The following ARFGEF2 variants were observed in gnomAD, a reference collection of about 807,000 sequenced individuals.
The protein encoded by ARFGEF2 is brefeldin A-inhibited guanine nucleotide-exchange protein 2.
A neutral mutation model predicts 219.9 loss-of-function variants in ARFGEF2; 74 were observed. That is an observed-to-expected ratio of 0.34 (90% CI 0.28 to 0.41). ARFGEF2 has a LOEUF of 0.41. ARFGEF2 is among the 10% of genes least tolerant of loss of function. The pLI, the probability that ARFGEF2 is intolerant of heterozygous loss-of-function variation, is 1.00. For synonymous variants in ARFGEF2, 733 were observed against 799.2 expected, an observed-to-expected ratio of 0.92 and a Z score of 1.40; for missense variants, 1,743 against 2,218.3, an observed-to-expected ratio of 0.79 and a Z score of 4.30.
chr20:48,945,742 T>C (rs1261414594), intron 3 of ARFGEF2, among the ~76,000 whole-genome samples: 2 of 152,190 alleles, frequency 1.3e-5, no homozygotes, highest in Non-Finnish European at 1.5e-5. Flanking sequence ...TGCACACCTT[T>C]AGTCCCAGTT....
At chr20:48,996,717 C>G (rs1262755716) in intron 23 of ARFGEF2, among the ~76,000 whole-genome samples, 1 of 147,098 alleles carries the variant, frequency 6.8e-6, no homozygotes, top group African/African-American at 2.5e-5. Flanking sequence ...GCACTCCAGC[C>G]TAGCAACAGA....
intron 6 of ARFGEF2, among the ~76,000 whole-genome samples, chr20:48,959,989 A>G (rs915302410): frequency 2.3e-4 from 35 of 152,206 alleles, no homozygotes; most frequent in African/African-American, 8.0e-4. Context: ...TGTGAATTTT[A>G]TTGCTTAAGG....
At chr20:48,955,595 C>G (rs2091100914) in intron 6 of ARFGEF2, among the ~76,000 whole-genome samples, 1 of 152,164 alleles carries the variant, frequency 6.6e-6, no homozygotes, top group Non-Finnish European at 1.5e-5. Context: ...AACGCAGTAA[C>G]TTGAAGTTCT....
chr20:48,952,057 A>G (rs541266346), intron 4 of ARFGEF2, among the ~76,000 whole-genome samples: 4 of 150,908 alleles, frequency 2.7e-5, no homozygotes, highest in Middle Eastern at 3.5e-3. Flanking sequence ...AATCTGGGTG[A>G]GATCACGTTG....
intron 25 of ARFGEF2, chr20:48,999,114 T>C: frequency 5.8e-6 from 2 of 344,636 alleles, no homozygotes; most frequent in Non-Finnish European, 1.1e-5. Context: ...GGTGTGCACC[T>C]GTAATCCCAG....
chr20:48,929,067 C>G (rs1399246025), intron 1 of ARFGEF2, among the ~76,000 whole-genome samples: 1 of 152,196 alleles, frequency 6.6e-6, no homozygotes, highest in Non-Finnish European at 1.5e-5. Flanking sequence ...ATATAAATAG[C>G]TCAGAGCTGT....
intron 1 of ARFGEF2, among the ~76,000 whole-genome samples, chr20:48,939,291 C>G (rs2090979875): frequency 6.6e-6 from 1 of 152,106 alleles, no homozygotes; most frequent in Non-Finnish European, 1.5e-5. Flanking sequence ...CATTTCAAAA[C>G]AGATTGTTTT....
intron 8 of ARFGEF2, 22 bp from the exon 9 acceptor site, chr20:48,969,125 T>C: frequency 6.2e-7 from 1 of 1,613,252 alleles, no homozygotes; most frequent in East Asian, 2.2e-5. Flanking sequence ...CACACCCAGC[T>C]GATGTTTGTT....
chr20:48,982,633 A>G (rs1385849423), intron 14 of ARFGEF2, among the ~76,000 whole-genome samples: 1 of 152,116 alleles, frequency 6.6e-6, no homozygotes, highest in South Asian at 2.1e-4. Context: ...GCCCTTGCAG[A>G]GCTGTGGTGG....
In ARFGEF2 at chr20:49,033,283, G is replaced by C. The variant is rs2091648097; in HGVS notation, c.*84G>C. 6.6e-7 allele frequency: 1 copy of C among 1,516,816 alleles called. No individual in the cohort carries two copies. Among genetic ancestry groups the C allele is most frequent in the Non-Finnish European group, 9.1e-7 (1 of 1,101,762 alleles). The allele number at this position is 1,516,816 out of a possible 1,614,324, so 94.0% of individuals were successfully genotyped here. ...CTGGCACATCTCGTGAAGTTTCATA[G>C]AAACAAGGAGTTGGCATCTTGGATC... On this transcript the variant is annotated 3_prime_UTR_variant, in exon 39 of 39. Transcript: ENST00000371917.
chr20:48,978,854 C>A (rs995748157), intron 14 of ARFGEF2, among the ~76,000 whole-genome samples: 4 of 152,174 alleles, frequency 2.6e-5, no homozygotes, highest in Non-Finnish European at 5.9e-5. Context: ...AGTTGCTTAT[C>A]AGCTTAAGGA....
chr20:48,959,556 TC>T (rs2091131487), intron 6 of ARFGEF2, among the ~76,000 whole-genome samples: 1 of 69,384 alleles, frequency 1.4e-5, no homozygotes. Flanking sequence ...CCTCCTTCCT[TC>T]CCTCCCTCCC....
intron 30 of ARFGEF2, among the ~76,000 whole-genome samples, chr20:49,014,828 A>G (rs1385382873): frequency 2.6e-5 from 4 of 152,226 alleles, no homozygotes; most frequent in African/African-American, 9.6e-5. Flanking sequence ...TTAAATTTAA[A>G]TATGTTTTTC....
intron 12 of ARFGEF2, among the ~76,000 whole-genome samples, chr20:48,974,068 CT>C (rs1159436191): frequency 2.1e-5 from 3 of 145,996 alleles, no homozygotes; most frequent in East Asian, 2.0e-4. Flanking sequence ...TTCTTTTCTC[CT>C]TTTTTTCAGT....
At chr20:49,028,945 G>A (rs1018667324) in intron 37 of ARFGEF2, among the ~76,000 whole-genome samples, 1 of 152,186 alleles carries the variant, frequency 6.6e-6, no homozygotes, top group African/African-American at 2.4e-5. Context: ...TGCTCCGAGC[G>A]GTCAGCAGGC....
At chr20:49,003,599 C>T (rs530731592) in intron 25 of ARFGEF2, among the ~76,000 whole-genome samples, 39 of 151,276 alleles carry the variant, frequency 2.6e-4, no homozygotes, top group Admixed American at 2.3e-3. Context: ...AGCAAGACTC[C>T]GTCTCAAAAA....
chr20:49,019,159 C>A (rs779252686), intron 34 of ARFGEF2, among the ~76,000 whole-genome samples, 161 bp downstream of exon 34: 1 of 152,176 alleles, frequency 6.6e-6, no homozygotes, highest in Non-Finnish European at 1.5e-5. Flanking sequence ...CTGTACCTTT[C>A]CAGAGTCATT....
chr20:48,989,133 C>T lies in ARFGEF2; in HGVS notation c.2534-152C>T, dbSNP rs538310064. Reference sequence around the variant, plus strand: ...ACCCCCTCTGCCTCATTTTTCCCATCTGTAAAATGGTAATAATAATATTTG... The same window carrying T: ...ACCCCCTCTGCCTCATTTTTCCCATTTGTAAAATGGTAATAATAATATTTG... On this transcript the variant is annotated intron_variant, in intron 18 of 38. Coordinates refer to ENST00000371917, the MANE Select transcript of ARFGEF2 (RefSeq NM_006420.3). 1.2e-4 allele frequency: 116 copies of T among 930,302 alleles called. No homozygotes were observed. The Admixed American group carries it at 2.3e-3, about 19-fold the overall frequency. 57.6% of individuals were successfully genotyped at this position (930,302 alleles called of 1,614,324 possible). A position where few individuals can be genotyped will look rare whatever the true frequency, so the allele number is the denominator to read the frequency against.
intron 14 of ARFGEF2, among the ~76,000 whole-genome samples, chr20:48,983,527 C>A (rs2091309016): frequency 6.6e-6 from 1 of 152,234 alleles, no homozygotes; most frequent in South Asian, 2.1e-4. Context: ...ACTCTCCTGC[C>A]TAAATCATTC....
Sources: allele counts gnomAD v4.1 joint callset (sites outside exome capture counted in the v4.1 genomes callset), GRCh38; gene constraint gnomAD v4.1.1; transcripts MANE v1.5; gene names NCBI Gene and HGNC (gene_info 2026-07-23, HGNC 2026-07-21).